DCTN5: variants seen among roughly 807,000 people sequenced by gnomAD.
DCTN5 encodes the protein dynactin subunit 5, also known as dynactin 4.
In DCTN5, 14 loss-of-function variants were observed where a neutral mutation model predicts 23.5. The ratio of observed to expected loss-of-function variants is 0.60; its 90% CI spans 0.39 to 0.93. DCTN5 has a LOEUF of 0.93. Among genes scored for constraint, DCTN5 ranks in the 40% least tolerant of loss-of-function variants. The probability of loss-of-function intolerance (pLI) is 0.00; values close to 1 mark genes in which losing one functional copy is unlikely to be tolerated. For missense variants in DCTN5, 156 were observed against 225.9 expected (o/e 0.69, Z 1.98); for synonymous variants, 67 against 79.6 (o/e 0.84, Z 0.84).
chr16:23,648,535 A>T (rs1252064093), intron 2 of DCTN5, among the ~76,000 whole-genome samples: 2 of 151,610 alleles, frequency 1.3e-5, no homozygotes, highest in Non-Finnish European at 2.9e-5. Context: ...TTTTTAATAG[A>T]GATGGGGTTT....
chr16:23,657,019 C>T (rs1363808065), intron 2 of DCTN5, among the ~76,000 whole-genome samples: 1 of 151,846 alleles, frequency 6.6e-6, no homozygotes, highest in East Asian at 1.9e-4. Context: ...GACTCATTAT[C>T]TATTTTTACC....
At chr16:23,655,715 T>G (rs1310755698) in intron 2 of DCTN5, among the ~76,000 whole-genome samples, 1 of 152,028 alleles carries the variant, frequency 6.6e-6, no homozygotes, top group Non-Finnish European at 1.5e-5. Context: ...TGGCTAATTT[T>G]TGTATTTTTT....
In DCTN5 at chr16:23,669,894, T is replaced by C. The variant is rs1201602020; in HGVS notation, c.*2750T>C. The C allele has an allele frequency of 6.6e-6, 1 of 152,270 alleles. No individual in the cohort carries two copies. Among genetic ancestry groups the C allele is most frequent in the Non-Finnish European group, 1.5e-5 (1 of 68,086 alleles). 9.4% of individuals were successfully genotyped at this position (152,270 alleles called of 1,614,324 possible). ...CTGGAACTGCTTCCTTTTTGTTTTA[T>C]TATTTTTCCCCAGATGAGCTGACTG... On this transcript the variant is annotated 3_prime_UTR_variant, in exon 6 of 6. Transcript: ENST00000300087.
At position 23,668,419 on chromosome 16, in the gene DCTN5, A is replaced by G. The variant is rs1191932682; in HGVS notation, c.*1275A>G. On this transcript the variant is annotated 3_prime_UTR_variant, in exon 6 of 6. Transcript: ENST00000300087. ...AATGTTTATACATAAAACCACCAAAATACATAGCTTCGACAAGATGGAAGT... is the reference window on the plus strand; with the variant it reads ...AATGTTTATACATAAAACCACCAAAGTACATAGCTTCGACAAGATGGAAGT... 2 of 152,258 alleles carry G rather than the reference A, an allele frequency of 1.3e-5. No homozygotes were observed. The highest frequency in any genetic ancestry group is 2.9e-5 in the Non-Finnish European group (2 of 68,050). The allele number at this position is 152,258 out of a possible 1,614,324, so 9.4% of individuals were successfully genotyped here.
chr16:23,642,948 C>G lies in DCTN5; in HGVS notation c.49-7C>G. 1 of 1,613,888 alleles carries G rather than the reference C, an allele frequency of 6.2e-7. No individual in the cohort carries two copies. Among genetic ancestry groups the G allele is most frequent in the Middle Eastern group, 1.6e-4 (1 of 6,062 alleles). On this transcript the variant is annotated splice_region_variant and splice_polypyrimidine_tract_variant and intron_variant, in intron 1 of 5. Coordinates refer to ENST00000300087, the MANE Select transcript of DCTN5 (RefSeq NM_032486.4). ...GCTTTCCCCGGTTTTCCGTTGTTTT[C>G]TTTTAGGCATCTGGGAACAAAGTCA...
chr16:23,675,702 C>T lies in DCTN5; in HGVS notation c.*8558C>T, dbSNP rs1419521207. On this transcript the variant is annotated 3_prime_UTR_variant, in exon 6 of 6. Coordinates refer to ENST00000300087, the MANE Select transcript of DCTN5 (RefSeq NM_032486.4). ...CTGGGGAGGCTTGATCCCTGGAAGC[C>T]TCCTCTTGCTGAAGGAAAATTCCCA... is the stretch of plus-strand genomic sequence containing the variant. The T allele has an allele frequency of 6.6e-6, 1 of 152,152 alleles. No homozygotes were observed. The highest frequency in any genetic ancestry group is 1.9e-4 in the East Asian group (1 of 5,194). 9.4% of individuals were successfully genotyped at this position (152,152 alleles called of 1,614,324 possible). A position where few individuals can be genotyped will look rare whatever the true frequency, so the allele number is the denominator to read the frequency against.
chr16:23,658,598 G>C lies in DCTN5; in HGVS notation c.209G>C (p.Arg70Thr). 6.2e-7 allele frequency: 1 copy of C among 1,614,170 alleles called. No individual in the cohort carries two copies. Among genetic ancestry groups the C allele is most frequent in the South Asian group, 1.1e-5 (1 of 91,086 alleles). Residue 70 changes from arginine to threonine, a missense_variant, in exon 3 of 6, where the codon AGG becomes ACG. Around this residue, in one of 2 missense-constraint regions of DCTN5, gnomAD observed 153 missense variants for 206.8 expected, o/e 0.74. Coordinates refer to ENST00000300087, the MANE Select transcript of DCTN5 (RefSeq NM_032486.4). Reference protein sequence around the residue: ...HCVVKSRSVIRPPFKKFSKGV... With the variant: ...HCVVKSRSVITPPFKKFSKGV... The stretch of plus-strand genomic sequence containing the variant: ...GTTGTGAAAAGTCGTAGTGTCATAA[G>C]GCCACCATTCAAGAAGTTCAGCAAA...
At chr16:23,661,726 A>G (rs567845470) in intron 4 of DCTN5, among the ~76,000 whole-genome samples, 3 of 150,016 alleles carry the variant, frequency 2.0e-5, no homozygotes, top group East Asian at 1.9e-4. Flanking sequence ...TTATAAATAA[A>G]TAAATAAATA....
chr16:23,645,127 ATATATATATATTTTTTTTT>A (rs1967421557), intron 2 of DCTN5, among the ~76,000 whole-genome samples: 2 of 27,120 alleles, frequency 7.4e-5, no homozygotes, highest in African/African-American at 4.1e-4. Context: ...ATATATATAT[ATATATATATATTTTTTTTT>A]TTTTTAATAC....
chr16:23,664,811 G>A (rs2140987459), intron 4 of DCTN5, among the ~76,000 whole-genome samples: 1 of 152,328 alleles, frequency 6.6e-6, no homozygotes, highest in East Asian at 1.9e-4. Context: ...ATATCCAAAT[G>A]AATTTTTCAG....
In DCTN5 at chr16:23,675,833, T is replaced by C. The variant is rs575113342; in HGVS notation, c.*8689T>C. 1.4e-4 allele frequency: 21 copies of C among 152,178 alleles called. No individual in the cohort carries two copies. The highest frequency in any genetic ancestry group is 2.4e-4 in the Non-Finnish European group (16 of 68,042). The allele number at this position is 152,178 out of a possible 1,614,324, so 9.4% of individuals were successfully genotyped here. On this transcript the variant is annotated 3_prime_UTR_variant, in exon 6 of 6. Transcript: ENST00000300087. ...GATCTCCCACAAATGTCATCCATGC[T>C]CATGAGATGGATCAACTTGTATCCT...
Position 23,658,626 on chromosome 16 carries a change from G to A in DCTN5, c.236+1G>A, listed in dbSNP as rs763915320. ...CACCATTCAAGAAGTTCAGCAAAGG[G>A]TATGTAATTTAATTACTTTGTTCAA... On this transcript the variant is annotated splice_donor_variant, in intron 3 of 5. Transcript: ENST00000300087. LOFTEE classifies it high-confidence loss of function. The A allele has an allele frequency of 6.2e-7, 1 of 1,611,270 alleles. No homozygotes were observed. Among genetic ancestry groups the A allele is most frequent in the Non-Finnish European group, 8.5e-7 (1 of 1,177,388 alleles).
chr16:23,650,960 C>A, intron 2 of DCTN5: 1 of 1,432,880 alleles, frequency 7.0e-7, no homozygotes. Context: ...AATCAGCTTT[C>A]CAGAGCGTCT....
At chr16:23,653,159 A>T (rs1372228250) in intron 2 of DCTN5, among the ~76,000 whole-genome samples, 1 of 152,178 alleles carries the variant, frequency 6.6e-6, no homozygotes, top group African/African-American at 2.4e-5. Context: ...ATGAAAAAAT[A>T]AAAAATCAGT....
intron 4 of DCTN5, among the ~76,000 whole-genome samples, chr16:23,663,703 G>A (rs556119252): frequency 6.6e-6 from 1 of 151,586 alleles, no homozygotes; most frequent in African/African-American, 2.4e-5. Flanking sequence ...GCAACAGAGT[G>A]AGACTCTGTC....
At chr16:23,648,593 G>A (rs1020451814) in intron 2 of DCTN5, among the ~76,000 whole-genome samples, 19 of 151,060 alleles carry the variant, frequency 1.3e-4, no homozygotes, top group Admixed American at 1.3e-4. Flanking sequence ...CAAGTATTCC[G>A]CCTGCCTCGG....
intron 4 of DCTN5, among the ~76,000 whole-genome samples, chr16:23,661,717 T>TATAAATAAATAAATAAATAAATAA (rs370377120): frequency 6.7e-6 from 1 of 148,448 alleles, no homozygotes; most frequent in African/African-American, 2.5e-5. Context: ...GACACTGTCT[T>TATAAATAAATAAATAAATAAATAA]ATAAATAAAT....
In DCTN5 at chr16:23,670,664, G is replaced by A. The variant is rs983717529; in HGVS notation, c.*3520G>A. 2 of 152,212 alleles carry A rather than the reference G, an allele frequency of 1.3e-5. No homozygotes were observed. The highest frequency in any genetic ancestry group is 4.8e-5 in the African/African-American group (2 of 41,446). The allele number at this position is 152,212 out of a possible 1,614,324, so 9.4% of individuals were successfully genotyped here. A position where few individuals can be genotyped will look rare whatever the true frequency, so the allele number is the denominator to read the frequency against. On this transcript the variant is annotated 3_prime_UTR_variant, in exon 6 of 6. Transcript: ENST00000300087. ...CATGGAGCTGCAAGTCCCCTGAAAT[G>A]ATACTGGCAGTGTTGGGACAGCGTG...
In DCTN5 at chr16:23,676,802, G is replaced by T. The variant is rs1204712936; in HGVS notation, c.*9658G>T. The T allele has an allele frequency of 6.6e-6, 1 of 152,202 alleles. No homozygotes were observed. The highest frequency in any genetic ancestry group is 1.5e-5 in the Non-Finnish European group (1 of 68,050). 9.4% of individuals were successfully genotyped at this position (152,202 alleles called of 1,614,324 possible). On this transcript the variant is annotated 3_prime_UTR_variant, in exon 6 of 6. Coordinates refer to ENST00000300087, the MANE Select transcript of DCTN5 (RefSeq NM_032486.4). Reference sequence around the variant, plus strand: ...ATGAGAAAGCAGGCCTGTTTGCAAGGCTGGCCCTTGGCTGGCATCTGAAAG... The same window carrying T: ...ATGAGAAAGCAGGCCTGTTTGCAAGTCTGGCCCTTGGCTGGCATCTGAAAG...
Sources: gnomAD v4.1 joint callset for allele counts (sites outside exome capture counted in the v4.1 genomes callset) on GRCh38, gnomAD v4.1.1 for gene constraint, gnomAD v4.1.1 regional missense constraint, MANE v1.5 for transcripts, NCBI Gene and HGNC (gene_info 2026-07-23, HGNC 2026-07-21) for gene names.